AEN: variants seen among roughly 807,000 people sequenced by gnomAD.
The protein encoded by AEN is apoptosis enhancing nuclease.
A neutral mutation model predicts 17.7 loss-of-function variants in AEN; 21 were observed. The observed-to-expected ratio is 1.19, with a 90% CI of 0.84 to 1.71. AEN has a LOEUF of 1.71. Among genes scored for constraint, AEN ranks in the 40% most tolerant of loss-of-function variants. The pLI is 0.00. For synonymous variants in AEN, 190 were observed against 173.0 expected, an observed-to-expected ratio of 1.10 and a Z score of -0.77; for missense variants, 462 against 435.9, an observed-to-expected ratio of 1.06 and a Z score of -0.53.
chr15:88,607,159 G>A, the AEN span, among the ~76,000 whole-genome samples: 53 of 152,304 alleles, frequency 3.5e-4, 1 homozygote, highest in East Asian at 9.8e-3. Flanking sequence ...CACATAGAAA[G>A]CACAGGTAGA....
the AEN span, among the ~76,000 whole-genome samples, chr15:88,613,651 G>A: frequency 9.1e-3 from 1,390 of 151,954 alleles, 10 homozygotes; most frequent in Non-Finnish European, 0.014. Context: ...TTAAGTGGTG[G>A]GGGGAGTCCT....
rs1228301024 is a variant in AEN at position 88,630,030 on chromosome 15, G to A, written c.742-28G>A. 6.2e-7 allele frequency: 1 copy of A among 1,610,372 alleles called. No homozygotes were observed. The highest frequency in any genetic ancestry group is 8.5e-7 in the Non-Finnish European group (1 of 1,177,102). ...AACAGGCCTCTCACTAGGCCTGCAG[G>A]CAGTGATGTGTTGGCTCTCGTCAGT... is the stretch of plus-strand genomic sequence containing the variant. On this transcript the variant is annotated intron_variant, in intron 3 of 3. Coordinates refer to ENST00000332810, the MANE Select transcript of AEN (RefSeq NM_022767.4). This position sits in a 1 kb window ranked among gnomAD's most constrained non-coding sequence, Gnocchi z 5.1.
Position 88,631,175 on chromosome 15 carries a change from A to G in AEN, c.*881A>G, listed in dbSNP as rs1448882178. ...GGTTTGAATTCTGGGGCCTTTGTGT[A>G]GGATTGTGCCTGACCTTTATTTATT... On this transcript the variant is annotated 3_prime_UTR_variant, in exon 4 of 4. Coordinates refer to ENST00000332810, the MANE Select transcript of AEN (RefSeq NM_022767.4). 3.3e-5 allele frequency: 15 copies of G among 456,526 alleles called. No individual in the cohort carries two copies. The Admixed American group carries it at 3.5e-4, about 11-fold the overall frequency. The allele number at this position is 456,526 out of a possible 1,614,324, so 28.3% of individuals were successfully genotyped here.
In AEN at chr15:88,626,734, G is replaced by C. The variant is rs757683162; in HGVS notation, c.525G>C (p.Gln175His). Residue 175 changes from glutamine to histidine, a missense_variant, in exon 2 of 4, where the codon CAG becomes CAC. By Grantham distance (24) the Gln-to-His change is conservative (BLOSUM62 0). Transcript: ENST00000332810. The part of the protein sequence containing the change: ...RQHMRKAVPF[Q>H]VAQKEILKLL... Reference sequence around the variant, plus strand: ...ACATGCGCAAGGCTGTCCCCTTCCAGGTGGCCCAGAAAGAGGTAAGGGCAG... The same window carrying C: ...ACATGCGCAAGGCTGTCCCCTTCCACGTGGCCCAGAAAGAGGTAAGGGCAG... The C allele has an allele frequency of 6.2e-7, 1 of 1,609,464 alleles. No homozygotes were observed. Among genetic ancestry groups the C allele is most frequent in the South Asian group, 1.1e-5 (1 of 91,074 alleles).
the AEN span, among the ~76,000 whole-genome samples, chr15:88,611,312 C>T: frequency 6.6e-6 from 1 of 151,454 alleles, no homozygotes; most frequent in Non-Finnish European, 1.5e-5. Context: ...GAAATATGCT[C>T]AAATTGGGTG....
chr15:88,612,723 C>T, the AEN span, among the ~76,000 whole-genome samples: 2 of 152,036 alleles, frequency 1.3e-5, no homozygotes, highest in African/African-American at 4.8e-5. Context: ...GCCTCAGCCT[C>T]CCGACTAGCT....
At chr15:88,614,104 C>G in the AEN span, among the ~76,000 whole-genome samples, 1 of 152,286 alleles carries the variant, frequency 6.6e-6, no homozygotes, top group Middle Eastern at 3.4e-3. Flanking sequence ...TAGACCAAGT[C>G]CCTCCCCACT....
chr15:88,624,266 T>A (rs2057823384), intron 1 of AEN, among the ~76,000 whole-genome samples: 1 of 151,964 alleles, frequency 6.6e-6, no homozygotes, highest in Non-Finnish European at 1.5e-5. Flanking sequence ...CAGAGTTTCT[T>A]CCAGAAGGGC....
At chr15:88,610,421 G>A in the AEN span, among the ~76,000 whole-genome samples, 1 of 151,822 alleles carries the variant, frequency 6.6e-6, no homozygotes, top group South Asian at 2.1e-4. Context: ...GAATTTCAGA[G>A]CCAGCACCTC....
rs1313397302 is a variant in AEN at position 88,631,098 on chromosome 15, C to G, written c.*804C>G. The G allele has an allele frequency of 6.6e-6, 3 of 456,390 alleles. No homozygotes were observed. Among genetic ancestry groups the G allele is most frequent in the Non-Finnish European group, 8.8e-6 (2 of 226,694 alleles). 28.3% of individuals were successfully genotyped at this position (456,390 alleles called of 1,614,324 possible). On this transcript the variant is annotated 3_prime_UTR_variant, in exon 4 of 4. Coordinates refer to ENST00000332810, the MANE Select transcript of AEN (RefSeq NM_022767.4). ...ATTTTGACCCAAATCAGGGATTTCC[C>G]CAGTCCACCCAGTACTGGGCTCTTA...
chr15:88,605,896 A>G, the AEN span, among the ~76,000 whole-genome samples: 3 of 152,220 alleles, frequency 2.0e-5, no homozygotes, highest in African/African-American at 7.2e-5. This position sits in a 1 kb window ranked among gnomAD's most constrained non-coding sequence, Gnocchi z 7.6. Context: ...AGCCCACGCC[A>G]CTTGCGCTCG....
chr15:88,607,754 G>A, the AEN span, among the ~76,000 whole-genome samples: 978 of 151,918 alleles, frequency 6.4e-3, 11 homozygotes, highest in African/African-American at 0.023. Flanking sequence ...ATTAATATAA[G>A]AATTTTTATT....
intron 2 of AEN, chr15:88,628,915 T>C: frequency 6.5e-6 from 2 of 305,390 alleles, no homozygotes; most frequent in Non-Finnish European, 6.2e-6. Context: ...GAGTTGCTTG[T>C]ATCTGGTAAC....
the AEN span, among the ~76,000 whole-genome samples, chr15:88,614,801 GC>G: frequency 6.6e-6 from 1 of 152,166 alleles, no homozygotes; most frequent in Non-Finnish European, 1.5e-5. Flanking sequence ...TCCTGTTCAG[GC>G]CCCACCCCAG....
chr15:88,623,148 C>T (rs560125099), intron 1 of AEN, among the ~76,000 whole-genome samples: 27 of 152,306 alleles, frequency 1.8e-4, no homozygotes, highest in African/African-American at 6.5e-4. Flanking sequence ...CATTGCTGGG[C>T]TGAGGCAGAT....
At chr15:88,608,072 G>T in the AEN span, 1 of 510,656 alleles carries the variant, frequency 2.0e-6, no homozygotes, top group South Asian at 1.4e-5. Flanking sequence ...TATGGACAAA[G>T]GGTCTACTTT....
At chr15:88,616,715 C>T (rs566653672), upstream of AEN, among the ~76,000 whole-genome samples, 2 of 152,318 alleles carry the variant, frequency 1.3e-5, no homozygotes, top group South Asian at 2.1e-4. Flanking sequence ...AGTGCAAAAG[C>T]AATACACATT....
At chr15:88,612,039 A>G in the AEN span, 112,041 of 394,510 alleles carry the variant, frequency 0.28, 17,034 homozygotes, top group African/African-American at 0.43. Flanking sequence ...TCACCACCCT[A>G]AACACCCATC....
At chr15:88,622,919 G>A (rs1350274454) in intron 1 of AEN, among the ~76,000 whole-genome samples, 2 of 152,148 alleles carry the variant, frequency 1.3e-5, no homozygotes, top group African/African-American at 2.4e-5. Context: ...GTTTGGAAAA[G>A]GACTACTTTC....
Sources: allele counts gnomAD v4.1 joint callset (sites outside exome capture counted in the v4.1 genomes callset), GRCh38; gene constraint gnomAD v4.1.1; non-coding constraint Gnocchi (gnomAD v3.1); transcripts MANE v1.5; gene names NCBI Gene and HGNC (gene_info 2026-07-23, HGNC 2026-07-21).